The following COL4A1 variants were observed in gnomAD, a reference collection of about 807,000 sequenced individuals.
COL4A1 encodes collagen alpha-1(IV) chain.
COL4A1 carries 40 observed loss-of-function variants against 216.6 expected under a neutral mutation model. That is an observed-to-expected ratio of 0.18 (90% CI 0.14 to 0.24). The LOEUF is 0.24. COL4A1 is among the 10% of genes least tolerant of loss of function. The pLI is 1.00. For synonymous variants in COL4A1, 839 were observed against 810.7 expected (o/e 1.03, Z -0.59); for missense variants, 1,628 against 2,196.8 (o/e 0.74, Z 5.18).
chr13:110,271,713 G>A (rs929903338), intron 1 of COL4A1, among the ~76,000 whole-genome samples: 5 of 152,204 alleles, frequency 3.3e-5, no homozygotes, highest in African/African-American at 1.2e-4. Context: ...GCCGAGATCA[G>A]AGAAAGACAC....
chr13:110,206,525 C>T (rs1050265001), intron 15 of COL4A1, 140 bp downstream of exon 15: 34 of 966,436 alleles, frequency 3.5e-5, no homozygotes, highest in Admixed American at 7.4e-5. Flanking sequence ...AGGAGAGTCT[C>T]GGAAAAGCCC....
intron 1 of COL4A1, among the ~76,000 whole-genome samples, chr13:110,250,815 G>A (rs1003998395): frequency 3.3e-5 from 5 of 152,186 alleles, no homozygotes; most frequent in African/African-American, 4.8e-5. Context: ...AGGCCAGTGC[G>A]TCCCCAGCAT....
At chr13:110,199,568 T>C (rs1236532986) in intron 20 of COL4A1, among the ~76,000 whole-genome samples, 1 of 151,740 alleles carries the variant, frequency 6.6e-6, no homozygotes, top group East Asian at 1.9e-4. Context: ...GAGAGGAAAA[T>C]GAAGGAACTA....
intron 2 of COL4A1, among the ~76,000 whole-genome samples, chr13:110,222,666 G>C (rs536357781): frequency 2.1e-5 from 3 of 144,960 alleles, no homozygotes; most frequent in Non-Finnish European, 4.6e-5. Context: ...CCAGCTACTC[G>C]GGAGGCTGAG....
At chr13:110,297,614 C>T (rs559743978) in intron 1 of COL4A1, among the ~76,000 whole-genome samples, 1 of 152,266 alleles carries the variant, frequency 6.6e-6, no homozygotes, top group East Asian at 1.9e-4. Flanking sequence ...GAAACTGATG[C>T]CTTTTGCAGT....
At chr13:110,262,714 G>GAT (rs1882877832) in intron 1 of COL4A1, among the ~76,000 whole-genome samples, 1 of 152,188 alleles carries the variant, frequency 6.6e-6, no homozygotes, top group African/African-American at 2.4e-5. Context: ...AGGGAAACAC[G>GAT]CATCTCCTGA....
chr13:110,246,657 A>C (rs916315086), intron 1 of COL4A1, among the ~76,000 whole-genome samples: 1 of 152,196 alleles, frequency 6.6e-6, no homozygotes. Context: ...TGCTGGCTGC[A>C]TATCTGAGGG....
chr13:110,276,092 C>T (rs2847468), intron 1 of COL4A1, among the ~76,000 whole-genome samples: 37,637 of 151,440 alleles, frequency 0.25, 4,924 homozygotes, highest in East Asian at 0.32. Flanking sequence ...TGCAGGTTCA[C>T]GCACTGTAGC....
intron 1 of COL4A1, among the ~76,000 whole-genome samples, chr13:110,243,466 C>T (rs562572917): frequency 5.4e-4 from 82 of 152,188 alleles, no homozygotes; most frequent in African/African-American, 1.9e-3. Context: ...TACAGGCATC[C>T]GCCACCACAC....
intron 1 of COL4A1, among the ~76,000 whole-genome samples, chr13:110,280,248 C>A (rs989409971): frequency 6.6e-6 from 1 of 152,188 alleles, no homozygotes; most frequent in Non-Finnish European, 1.5e-5. Context: ...TAGTTTGCTG[C>A]GTGTTTGCTC....
chr13:110,198,078 G>GGTGTGTGTGTGT lies in COL4A1; in HGVS notation c.1285+377_1285+388dup, dbSNP rs35751015. Among the ~76,000 whole-genome samples, 339 of 141,926 alleles carry GGTGTGTGTGTGT rather than the reference G, an allele frequency of 2.4e-3. 2 individuals are homozygous for GGTGTGTGTGTGT. In the East Asian group the frequency reaches 0.032, roughly 13 times the overall value. The allele number at this position is 141,926 out of a possible 152,430, so 93.1% of individuals were successfully genotyped here. On this transcript the variant is annotated intron_variant, in intron 21 of 51. Coordinates refer to ENST00000375820, the MANE Select transcript of COL4A1 (RefSeq NM_001845.6). ...GTAATCCTGTCTTCCTTGTTTCTGG[G>GGTGTGTGTGTGT]GTGTGTGTGTGTGTGTGTGTGTGTG...
chr13:110,213,696 G>A, intron 4 of COL4A1, 86 bp downstream of exon 4: 2 of 1,364,570 alleles, frequency 1.5e-6, no homozygotes, highest in Non-Finnish European at 2.1e-6. Flanking sequence ...CGAGGGCAAG[G>A]AGAAAGGAGG....
intron 12 of COL4A1, among the ~76,000 whole-genome samples, chr13:110,208,273 G>A (rs752106853): frequency 8.5e-5 from 13 of 152,134 alleles, no homozygotes; most frequent in African/African-American, 1.4e-4. Flanking sequence ...GTGCCCTCCC[G>A]GCTCCACACT....
At position 110,213,955 on chromosome 13, in the gene COL4A1, C is replaced by T; in HGVS notation, c.205G>A (p.Glu69Lys). The T allele has an allele frequency of 6.2e-7, 1 of 1,614,122 alleles. No individual in the cohort carries two copies. Among genetic ancestry groups the T allele is most frequent in the South Asian group, 1.1e-5 (1 of 91,068 alleles). Residue 69 changes from glutamate to lysine, a missense_variant, in exon 3 of 52, where the codon GAG (glutamate) becomes AAG (lysine). Physicochemically the swap from Glu to Lys is moderately conservative, Grantham distance 56. This residue lies in a region of COL4A1 where 150 missense variants were observed against 211.9 expected (regional missense o/e 0.71). Transcript: ENST00000375820. ...VIGFPGMQGP[E>K]GPQGPPGQKG... ...TGTCCTGGTGGTCCCTGTGGCCCCT[C>T]AGGTCCTTGCATTCCAGGAAACCCA...
intron 50 of COL4A1, among the ~76,000 whole-genome samples, chr13:110,153,872 G>A (rs543315014): frequency 9.2e-5 from 14 of 152,244 alleles, no homozygotes; most frequent in African/African-American, 3.4e-4. Context: ...GAAGGAAATG[G>A]CAATGGTGGG....
chr13:110,208,224 C>T (rs1265112380), intron 12 of COL4A1, among the ~76,000 whole-genome samples: 2 of 152,250 alleles, frequency 1.3e-5, no homozygotes, highest in African/African-American at 2.4e-5. Context: ...CCACCACTTG[C>T]CTCCTCTCTG....
chr13:110,264,324 T>C (rs1882941552), intron 1 of COL4A1, among the ~76,000 whole-genome samples: 1 of 152,188 alleles, frequency 6.6e-6, no homozygotes, highest in African/African-American at 2.4e-5. Flanking sequence ...GTAGAATCAT[T>C]CATTCTGTCC....
rs545650964 is a variant in COL4A1 at position 110,207,895 on chromosome 13, G to A, written c.694-406C>T. 7.1e-6 allele frequency among the ~76,000 whole-genome samples: 1 copy of A among 140,368 alleles called. No individual in the cohort carries two copies. Among genetic ancestry groups the A allele is most frequent in the South Asian group, 2.2e-4 (1 of 4,536 alleles). The allele number at this position is 140,368 out of a possible 152,430, so 92.1% of individuals were successfully genotyped here. A position where few individuals can be genotyped will look rare whatever the true frequency, so the allele number is the denominator to read the frequency against. On this transcript the variant is annotated intron_variant, in intron 12 of 51. Transcript: ENST00000375820. The surrounding 1 kb of genome is among the most constrained non-coding windows in gnomAD (Gnocchi z 4.4). ...AATCCCAGAATAAGACAACCATCAA[G>A]AGTCTCCCTCCTCGGGCATCCTAAC...
Position 110,187,253 on chromosome 13 carries a change from C to G in COL4A1, c.1613G>C (p.Arg538Pro). ...TGGGTCTCCTTTGTCACCTTTGAGC[C>G]GCAAGTCGAAATAAAACTCACCAGG... ...GEPGEFYFDL[R>P]LKGDKGDPGF... The change falls in exon 25 of 52, where the codon CGG becomes CCG. Residue 538 changes from arginine to proline, a missense_variant. Physicochemically the swap from Arg to Pro is moderately radical, Grantham distance 103. Around this residue, in one of 8 missense-constraint regions of COL4A1, gnomAD observed 701 missense variants for 892.5 expected, o/e 0.79. Coordinates refer to ENST00000375820, the MANE Select transcript of COL4A1 (RefSeq NM_001845.6). The G allele has an allele frequency of 6.2e-7, 1 of 1,613,788 alleles. No homozygotes were observed.
Sources: allele counts gnomAD v4.1 joint callset (sites outside exome capture counted in the v4.1 genomes callset), GRCh38; gene constraint gnomAD v4.1.1; regional missense constraint gnomAD v4.1.1; non-coding constraint Gnocchi (gnomAD v3.1); transcripts MANE v1.5; gene names NCBI Gene and HGNC (gene_info 2026-07-23, HGNC 2026-07-21).